Variants in CELF2 observed in about 807,000 individuals in gnomAD.
The protein encoded by CELF2 is CUG triplet repeat RNA-binding protein 2.
A neutral mutation model predicts 62.6 loss-of-function variants in CELF2; 8 were observed. That is an observed-to-expected ratio of 0.13 (90% CI 0.07 to 0.23). CELF2 has a LOEUF of 0.23. Ranked by LOEUF, CELF2 falls within the 10% of genes least tolerant of loss-of-function variation. The pLI, the probability that CELF2 is intolerant of heterozygous loss-of-function variation, is 1.00. For missense variants in CELF2, 333 were observed against 671.0 expected (o/e 0.50, Z 5.56); for synonymous variants, 258 against 250.0 (o/e 1.03, Z -0.30).
At position 11,191,891 on chromosome 10, in the gene CELF2, C is replaced by T. The variant is rs2076360438; in HGVS notation, c.272-25534C>T. On this transcript the variant is annotated intron_variant, in intron 2 of 12. Transcript: ENST00000633077. This position sits in a 1 kb window ranked among gnomAD's most constrained non-coding sequence, Gnocchi z 4.1. ...GCCTGTTTTCCACCCTCCCTGCCCT[C>T]CCATGCAGAGGCCCCGCCCTGTGTC... 6.6e-6 allele frequency among the ~76,000 whole-genome samples: 1 copy of T among 152,162 alleles called. No individual in the cohort carries two copies. Among genetic ancestry groups the T allele is most frequent in the Admixed American group, 6.5e-5 (1 of 15,286 alleles).
chr10:10,694,119 G>C, the CELF2 span, among the ~76,000 whole-genome samples: 1 of 150,416 alleles, frequency 6.6e-6, no homozygotes, highest in Admixed American at 6.6e-5. Flanking sequence ...GTCAATTTTG[G>C]ATCTTTCCTG....
At chr10:11,154,388 A>T (rs890730088) in intron 1 of CELF2, among the ~76,000 whole-genome samples, 1 of 152,250 alleles carries the variant, frequency 6.6e-6, no homozygotes, top group Non-Finnish European at 1.5e-5. Flanking sequence ...CAATTTAGGG[A>T]TTTAAAAACT....
At chr10:10,545,869 C>G in the CELF2 span, among the ~76,000 whole-genome samples, 3 of 152,122 alleles carry the variant, frequency 2.0e-5, no homozygotes, top group South Asian at 6.2e-4. Flanking sequence ...CTGGCAGAAG[C>G]AACCTTTAAA....
intron 2 of CELF2, chr10:10,935,345 C>T (rs538429720): frequency 2.0e-5 from 3 of 152,252 alleles, no homozygotes; most frequent in East Asian, 1.9e-4. Context: ...CCAAGATTCA[C>T]GAGACATTGT....
chr10:11,146,906 G>T (rs936186719), intron 1 of CELF2, among the ~76,000 whole-genome samples: 1 of 152,218 alleles, frequency 6.6e-6, no homozygotes, highest in African/African-American at 2.4e-5. Context: ...GCCTTGGTGT[G>T]TGACATCAGA....
chr10:10,831,203 A>G (rs2132236434), intron 1 of CELF2, among the ~76,000 whole-genome samples: 1 of 152,346 alleles, frequency 6.6e-6, no homozygotes, highest in South Asian at 2.1e-4. Context: ...AGCATTAAAT[A>G]ACCACGAGTC....
the CELF2 span, among the ~76,000 whole-genome samples, chr10:10,536,666 AG>A: frequency 2.0e-5 from 3 of 152,340 alleles, no homozygotes; most frequent in African/African-American, 7.2e-5. Flanking sequence ...ACCATGAAGC[AG>A]GGTCTGTGAA....
the CELF2 span, among the ~76,000 whole-genome samples, chr10:10,488,009 AT>A: frequency 2.0e-5 from 3 of 152,136 alleles, no homozygotes; most frequent in Non-Finnish European, 4.4e-5. Flanking sequence ...GTGAAAGCCA[AT>A]ATATTATTAA....
chr10:10,666,236 T>C, the CELF2 span, among the ~76,000 whole-genome samples: 1 of 152,190 alleles, frequency 6.6e-6, no homozygotes, highest in Non-Finnish European at 1.5e-5. Flanking sequence ...AAACAGCTAC[T>C]GAATGTGCAG....
chr10:10,551,177 A>G, the CELF2 span, among the ~76,000 whole-genome samples: 1 of 152,220 alleles, frequency 6.6e-6, no homozygotes, highest in African/African-American at 2.4e-5. Context: ...AGTCTGGTGC[A>G]GTTATTCATG....
rs991991990 is a variant in CELF2, at chr10:10,957,313, C to T, written c.89+37314C>T. On this transcript the variant is annotated intron_variant, in intron 2 of 13. Transcript: ENST00000636488. The surrounding 1 kb of genome is among the most constrained non-coding windows in gnomAD (Gnocchi z 4.1). ...TACATTACAGGTAATGGTACATTAG[C>T]GCTGTGATTGAATTAACATTCTCTT... Among the ~76,000 whole-genome samples, 4 of 152,204 alleles carry T rather than the reference C, an allele frequency of 2.6e-5. No individual in the cohort carries two copies. Among genetic ancestry groups the T allele is most frequent in the East Asian group, 3.8e-4 (2 of 5,200 alleles).
intron 1 of CELF2, among the ~76,000 whole-genome samples, chr10:10,902,016 A>C (rs1241243014): frequency 6.6e-6 from 1 of 152,208 alleles, no homozygotes; most frequent in Non-Finnish European, 1.5e-5. Context: ...ATGCAGATTA[A>C]ATGTACAGTG....
the CELF2 span, among the ~76,000 whole-genome samples, chr10:10,741,077 G>T: frequency 2.0e-5 from 3 of 152,102 alleles, no homozygotes; most frequent in African/African-American, 7.2e-5. Context: ...TAGATTTGTA[G>T]GTGCTCTTAC....
At chr10:11,027,592 G>A (rs575386036) in intron 1 of CELF2, among the ~76,000 whole-genome samples, 11 of 152,268 alleles carry the variant, frequency 7.2e-5, no homozygotes, top group East Asian at 1.9e-4. Context: ...TTGGCTATGC[G>A]TGGTTTTTAA....
intron 9 of CELF2, among the ~76,000 whole-genome samples, chr10:11,289,331 A>T (rs1325224531): frequency 6.6e-6 from 1 of 152,144 alleles, no homozygotes; most frequent in Non-Finnish European, 1.5e-5. Flanking sequence ...TCAAAATCCC[A>T]TGACCCCCTA....
chr10:10,747,085 G>C, the CELF2 span, among the ~76,000 whole-genome samples: 1 of 152,194 alleles, frequency 6.6e-6, no homozygotes, highest in Non-Finnish European at 1.5e-5. Context: ...TTTTTTCAAG[G>C]ATAGGATTCT....
At chr10:10,750,658 G>T in the CELF2 span, among the ~76,000 whole-genome samples, 2 of 152,172 alleles carry the variant, frequency 1.3e-5, no homozygotes, top group African/African-American at 4.8e-5. Context: ...AAATACACAT[G>T]TGTGTATACG....
chr10:11,251,690 G>A (rs535611429), intron 4 of CELF2, among the ~76,000 whole-genome samples: 2 of 152,308 alleles, frequency 1.3e-5, no homozygotes, highest in South Asian at 4.1e-4. Context: ...TCAGCTGTGA[G>A]AGGGGGCTAC....
intron 1 of CELF2, among the ~76,000 whole-genome samples, chr10:11,053,821 A>G (rs919957587): frequency 6.6e-6 from 1 of 151,780 alleles, no homozygotes; most frequent in African/African-American, 2.4e-5. Context: ...TCACCATGTT[A>G]GCCAGGACGG....
Sources: allele counts gnomAD v4.1 joint callset (sites outside exome capture counted in the v4.1 genomes callset), GRCh38; gene constraint gnomAD v4.1.1; non-coding constraint Gnocchi (gnomAD v3.1); transcripts MANE v1.5; gene names NCBI Gene and HGNC (gene_info 2026-07-23, HGNC 2026-07-21).